USP6NL: variants seen among roughly 807,000 people sequenced by gnomAD.
USP6NL encodes the protein USP6 N-terminal like.
A neutral mutation model predicts 61.9 loss-of-function variants in USP6NL; 26 were observed. That is an observed-to-expected ratio of 0.42 (90% CI 0.31 to 0.58). The LOEUF is 0.58. USP6NL is among the 20% of genes least tolerant of loss of function. The pLI is 0.16. For missense variants in USP6NL, 1,114 were observed against 1,034.3 expected (o/e 1.08, Z -1.06); for synonymous variants, 432 against 390.1 (o/e 1.11, Z -1.27).
At position 11,487,469 on chromosome 10, in the gene USP6NL, G is replaced by A. The variant is rs753071211; in HGVS notation, c.665-1558C>T. On this transcript the variant is annotated intron_variant, in intron 10 of 14. Coordinates refer to ENST00000609104, the MANE Select transcript of USP6NL (RefSeq NM_014688.5). The surrounding 1 kb of genome is among the most constrained non-coding windows in gnomAD (Gnocchi z 4.2). ...ATTGCTGAAGGTAAGCTATCAAATAGGTTTAAAAGAAATGACCACTTCCTA... is the reference window on the plus strand; with the variant it reads ...ATTGCTGAAGGTAAGCTATCAAATAAGTTTAAAAGAAATGACCACTTCCTA... Among the ~76,000 whole-genome samples the A allele has an allele frequency of 6.6e-6, 1 of 152,174 alleles. No homozygotes were observed. Among genetic ancestry groups the A allele is most frequent in the Non-Finnish European group, 1.5e-5 (1 of 68,036 alleles).
rs530536628 is a variant in USP6NL at position 11,548,861 on chromosome 10, A to G, written c.5-21294T>C. The stretch of plus-strand genomic sequence containing the variant: ...CAACATTTCTTTAGGTTGCCTGTTA[A>G]GTAATAACAAAAAAAGGAAGTTGTA... On this transcript the variant is annotated intron_variant, in intron 2 of 14. Coordinates refer to ENST00000609104, the MANE Select transcript of USP6NL (RefSeq NM_014688.5). This position sits in a 1 kb window ranked among gnomAD's most constrained non-coding sequence, Gnocchi z 4.3. Among the ~76,000 whole-genome samples the G allele has an allele frequency of 2.0e-5, 3 of 152,206 alleles. No homozygotes were observed. Among genetic ancestry groups the G allele is most frequent in the Non-Finnish European group, 4.4e-5 (3 of 68,016 alleles).
In USP6NL at chr10:11,490,577, A is replaced by C. The variant is rs1833669974; in HGVS notation, c.543+255T>G. 6.6e-6 allele frequency among the ~76,000 whole-genome samples: 1 copy of C among 152,226 alleles called. No homozygotes were observed. Among genetic ancestry groups the C allele is most frequent in the Non-Finnish European group, 1.5e-5 (1 of 68,038 alleles). ...AACACAAAACATTACAAAGCAAAAC[A>C]ATATGGAGGGAGAGAGAAAAGGTGA... On this transcript the variant is annotated intron_variant, in intron 9 of 14. Transcript: ENST00000609104. The surrounding 1 kb of genome is among the most constrained non-coding windows in gnomAD (Gnocchi z 4.5).
chr10:11,485,367 T>C lies in USP6NL; in HGVS notation c.760-133A>G. 1 of 680,536 alleles carries C rather than the reference T, an allele frequency of 1.5e-6. No homozygotes were observed. Among genetic ancestry groups the C allele is most frequent in the Non-Finnish European group, 2.4e-6 (1 of 417,156 alleles). 42.2% of individuals were successfully genotyped at this position (680,536 alleles called of 1,614,324 possible). ...TTACTTCTCAAAATCACTCCAAGAA[T>C]AAATTCCTCTTAGGACTGTAATACA... On this transcript the variant is annotated intron_variant, in intron 11 of 14. Coordinates refer to ENST00000609104, the MANE Select transcript of USP6NL (RefSeq NM_014688.5). The surrounding 1 kb of genome is among the most constrained non-coding windows in gnomAD (Gnocchi z 4.8).
intron 7 of USP6NL, 69 bp downstream of exon 7, chr10:11,501,032 C>T: frequency 2.5e-6 from 3 of 1,224,254 alleles, no homozygotes; most frequent in African/African-American, 3.1e-5. Context: ...TCTTATGTCA[C>T]CTTGAATGCT....
In USP6NL at chr10:11,511,885, T is replaced by C. The variant is rs1834735415; in HGVS notation, c.196-2210A>G. 6.6e-6 allele frequency among the ~76,000 whole-genome samples: 1 copy of C among 151,856 alleles called. No individual in the cohort carries two copies. Among genetic ancestry groups the C allele is most frequent in the African/African-American group, 2.4e-5 (1 of 41,322 alleles). ...AGCTATAGGATCCGAAAATTATGTA[T>C]CAGTATTCAATCAAGTTTAAGTGCT... On this transcript the variant is annotated intron_variant, in intron 5 of 14. Transcript: ENST00000609104. This position sits in a 1 kb window ranked among gnomAD's most constrained non-coding sequence, Gnocchi z 4.9.
rs1248996862 is a variant in USP6NL, at chr10:11,487,740, A to G, written c.664+1362T>C. On this transcript the variant is annotated intron_variant, in intron 10 of 14. Transcript: ENST00000609104. This position sits in a 1 kb window ranked among gnomAD's most constrained non-coding sequence, Gnocchi z 4.2. ...CCCAGACCCAGTTACCATGCAGATG[A>G]TATTTGTTAAGTAATTGGCAAGAAA... 2.0e-5 allele frequency among the ~76,000 whole-genome samples: 3 copies of G among 152,196 alleles called. No homozygotes were observed. Among genetic ancestry groups the G allele is most frequent in the Admixed American group, 6.5e-5 (1 of 15,284 alleles).
At position 11,461,873 on chromosome 10, in the gene USP6NL, G is replaced by C. The variant is rs1236118554; in HGVS notation, c.*568C>G. On this transcript the variant is annotated 3_prime_UTR_variant, in exon 15 of 15. Transcript: ENST00000609104. ...AACTCTTCAGTCAGTTTAGGACCCA[G>C]GTTACAAATATATGAGAGGGAAAAA... The C allele has an allele frequency of 6.6e-6, 1 of 152,494 alleles. No homozygotes were observed. The highest frequency in any genetic ancestry group is 1.5e-5 in the Non-Finnish European group (1 of 68,334). The allele number at this position is 152,494 out of a possible 1,614,324, so 9.4% of individuals were successfully genotyped here. A position where few individuals can be genotyped will look rare whatever the true frequency, so the allele number is the denominator to read the frequency against.
In USP6NL at chr10:11,562,279, AT is replaced by A; in HGVS notation, c.5-34713del. 2.9e-5 allele frequency: 19 copies of A among 648,302 alleles called. No individual in the cohort carries two copies. Among genetic ancestry groups the A allele is most frequent in the Non-Finnish European group, 3.3e-5 (17 of 522,000 alleles). The allele number at this position is 648,302 out of a possible 1,614,324, so 40.2% of individuals were successfully genotyped here. Reference sequence around the variant, plus strand: ...TCCATCTCAAAAAAAAAAAAAAAAAATTGCATTCCCAGGACCCCCCTGCAGC... The same window carrying A: ...TCCATCTCAAAAAAAAAAAAAAAAAATGCATTCCCAGGACCCCCCTGCAGC... On this transcript the variant is annotated intron_variant, in intron 2 of 14. Transcript: ENST00000609104. This position sits in a 1 kb window ranked among gnomAD's most constrained non-coding sequence, Gnocchi z 4.8.
At chr10:11,594,637 C>G (rs1838266451) in intron 2 of USP6NL, among the ~76,000 whole-genome samples, 1 of 152,190 alleles carries the variant, frequency 6.6e-6, no homozygotes, top group East Asian at 1.9e-4. Flanking sequence ...ACACCTTTCT[C>G]ACATTGCTCC....
In USP6NL at chr10:11,489,260, A is replaced by G; in HGVS notation, c.544-38T>C. On this transcript the variant is annotated intron_variant, in intron 9 of 14. Transcript: ENST00000609104. This position sits in a 1 kb window ranked among gnomAD's most constrained non-coding sequence, Gnocchi z 5.7. ...GGGGAACACAGAAGCTGGGGAGTTC[A>G]GTCGAATTACATGCATATGTACAGA... 1 of 1,610,536 alleles carries G rather than the reference A, an allele frequency of 6.2e-7. No individual in the cohort carries two copies. The highest frequency in any genetic ancestry group is 8.5e-7 in the Non-Finnish European group (1 of 1,177,800).
Position 11,591,446 on chromosome 10 carries a change from G to A in USP6NL, c.4+6185C>T, listed in dbSNP as rs981613083. ...TTTGAAGAATAAAAATATAATAGTA[G>A]GTATATAATTTGAAATTTTAAGATT... On this transcript the variant is annotated intron_variant, in intron 2 of 14. Transcript: ENST00000609104. The surrounding 1 kb of genome is among the most constrained non-coding windows in gnomAD (Gnocchi z 4.7). Among the ~76,000 whole-genome samples the A allele has an allele frequency of 1.3e-5, 2 of 151,738 alleles. No individual in the cohort carries two copies. Among genetic ancestry groups the A allele is most frequent in the African/African-American group, 4.8e-5 (2 of 41,296 alleles).
chr10:11,466,396 G>A (rs1832454851), intron 14 of USP6NL, among the ~76,000 whole-genome samples: 1 of 152,178 alleles, frequency 6.6e-6, no homozygotes, highest in Non-Finnish European at 1.5e-5. Context: ...TAAGCTGTGT[G>A]TCTCCAAGGC....
Position 11,462,792 on chromosome 10 carries a change from G to A in USP6NL, c.2136C>T (p.Gly712=). 6 of 1,613,968 alleles carry A rather than the reference G, an allele frequency of 3.7e-6. No homozygotes were observed. The highest frequency in any genetic ancestry group is 5.1e-6 in the Non-Finnish European group (6 of 1,179,894). ...TTCCATTCTTTGGTGACCCTGAATT[G>A]CCCGAATATCCCCCAGCACCAGTGT... The part of the protein sequence containing the change: ...PVDTGAGGYS[G]NSGSPKNGKL... The change falls in exon 15 of 15, where the codon GGC becomes GGT. Residue 712 remains glycine (G), a synonymous_variant. Transcript: ENST00000609104.
intron 2 of USP6NL, among the ~76,000 whole-genome samples, chr10:11,529,311 T>C (rs1835550567): frequency 6.6e-6 from 1 of 152,200 alleles, no homozygotes; most frequent in Non-Finnish European, 1.5e-5. Flanking sequence ...TGCAGTTCCT[T>C]ATAATGAAGA....
rs1161276060 is a variant in USP6NL at position 11,532,246 on chromosome 10, T to C, written c.5-4679A>G. 1 of 1,590,142 alleles carries C rather than the reference T, an allele frequency of 6.3e-7. No individual in the cohort carries two copies. The highest frequency in any genetic ancestry group is 2.3e-5 in the East Asian group (1 of 44,342). On this transcript the variant is annotated intron_variant, in intron 2 of 14. Transcript: ENST00000609104. This position sits in a 1 kb window ranked among gnomAD's most constrained non-coding sequence, Gnocchi z 4.1. ...TTCAGTCCTCATAGAGTAACTTATC[T>C]ATTCCAAGATTTCATTATTATTTTA...
rs1837499431 is a variant in USP6NL at position 11,575,182 on chromosome 10, A to C, written c.4+22449T>G. Among the ~76,000 whole-genome samples the C allele has an allele frequency of 6.6e-6, 1 of 152,238 alleles. No homozygotes were observed. The highest frequency in any genetic ancestry group is 1.5e-5 in the Non-Finnish European group (1 of 68,036). ...GGTCAAAGACTAAGTTTTAAACCTC[A>C]AGTCAAAACTGTGATCTTGAATCCT... On this transcript the variant is annotated intron_variant, in intron 2 of 14. Coordinates refer to ENST00000609104, the MANE Select transcript of USP6NL (RefSeq NM_014688.5). This position sits in a 1 kb window ranked among gnomAD's most constrained non-coding sequence, Gnocchi z 4.2.
intron 2 of USP6NL, among the ~76,000 whole-genome samples, chr10:11,571,166 C>T (rs1023189659): frequency 6.6e-6 from 1 of 151,988 alleles, no homozygotes; most frequent in African/African-American, 2.4e-5. Flanking sequence ...TCACCGCAAC[C>T]TCTGCCTCCC....
Position 11,574,715 on chromosome 10 carries a change from ATTT to A in USP6NL, c.4+22913_4+22915del, listed in dbSNP as rs372671697. Among the ~76,000 whole-genome samples the A allele has an allele frequency of 5.1e-4, 78 of 152,218 alleles. No homozygotes were observed. The highest frequency in any genetic ancestry group is 1.8e-3 in the African/African-American group (76 of 41,514). ...TTTCCTTCCCATGAATTATTTTGAC[ATTT>A]TTAACATATCATAAAATATTAGATC... On this transcript the variant is annotated intron_variant, in intron 2 of 14. Coordinates refer to ENST00000609104, the MANE Select transcript of USP6NL (RefSeq NM_014688.5). This position sits in a 1 kb window ranked among gnomAD's most constrained non-coding sequence, Gnocchi z 4.3.
chr10:11,534,133 A>G (rs2133429052), intron 2 of USP6NL, among the ~76,000 whole-genome samples: 1 of 152,014 alleles, frequency 6.6e-6, no homozygotes, highest in South Asian at 2.1e-4. Context: ...TTCAGCAAGA[A>G]TCCTGTTATG....
Sources: allele counts gnomAD v4.1 joint callset (sites outside exome capture counted in the v4.1 genomes callset), GRCh38; gene constraint gnomAD v4.1.1; non-coding constraint Gnocchi (gnomAD v3.1); transcripts MANE v1.5; gene names NCBI Gene and HGNC (gene_info 2026-07-23, HGNC 2026-07-21).